PTPRR: variants seen among roughly 807,000 people sequenced by gnomAD.
PTPRR encodes the protein protein tyrosine phosphatase receptor type R.
In PTPRR, 38 loss-of-function variants were observed where a neutral mutation model predicts 77.2. That is an observed-to-expected ratio of 0.49 (90% CI 0.38 to 0.65). PTPRR has a LOEUF of 0.65. PTPRR is among the 30% of genes least tolerant of loss of function. The pLI is 0.00. For missense variants in PTPRR, 744 were observed against 799.2 expected, an observed-to-expected ratio of 0.93 and a Z score of 0.83; for synonymous variants, 299 against 283.1, an observed-to-expected ratio of 1.06 and a Z score of -0.57.
At chr12:70,850,230 C>G (rs1344309768) in intron 2 of PTPRR, among the ~76,000 whole-genome samples, 2 of 151,736 alleles carry the variant, frequency 1.3e-5, no homozygotes, top group African/African-American at 4.8e-5. Flanking sequence ...GGTGTGGTGG[C>G]GGGCGCCTAT....
intron 6 of PTPRR, among the ~76,000 whole-genome samples, chr12:70,723,249 A>T (rs1030019383): frequency 3.9e-5 from 6 of 152,352 alleles, no homozygotes; most frequent in African/African-American, 1.4e-4. Flanking sequence ...TAAACTACAG[A>T]TAAGAGACTT....
intron 2 of PTPRR, among the ~76,000 whole-genome samples, chr12:70,851,284 C>T (rs1892567728): frequency 6.6e-6 from 1 of 152,016 alleles, no homozygotes; most frequent in Admixed American, 6.6e-5. Context: ...CCCAGACACA[C>T]AGACAAAAAT....
intron 8 of PTPRR, 75 bp from the exon 9 acceptor site, chr12:70,684,858 G>A: frequency 9.8e-7 from 1 of 1,015,920 alleles, no homozygotes; most frequent in South Asian, 1.5e-5. Flanking sequence ...CCAATAACCA[G>A]TAAGTAGAAA....
At chr12:70,869,124 T>C (rs938183127) in intron 2 of PTPRR, among the ~76,000 whole-genome samples, 69 of 151,748 alleles carry the variant, frequency 4.5e-4, no homozygotes, top group African/African-American at 1.5e-3. Flanking sequence ...ACATGGCACA[T>C]GAATACATAT....
chr12:70,722,451 A>G (rs1405245092), intron 6 of PTPRR, among the ~76,000 whole-genome samples: 1 of 152,178 alleles, frequency 6.6e-6, no homozygotes, highest in Non-Finnish European at 1.5e-5. Context: ...TTCTGAAAAG[A>G]GTTCGCAAGG....
Position 70,761,571 on chromosome 12 carries a change from AT to A in PTPRR, c.526del (p.Ile176PhefsTer66). The A allele has an allele frequency of 6.2e-7, 1 of 1,612,244 alleles. No homozygotes were observed. The highest frequency in any genetic ancestry group is 8.5e-7 in the Non-Finnish European group (1 of 1,178,912). On this transcript the variant is annotated frameshift_variant, in exon 4 of 14. Coordinates refer to ENST00000283228, the MANE Select transcript of PTPRR (RefSeq NM_002849.4). LOFTEE classifies it high-confidence loss of function. ...FVSPINRKTG[I>X]SDALPSEEVL... ...TTCCTCAGAGGGCAGAGCATCAGAAATTCCTGTTTTTCGGTTTATGGGAGAC... is the reference window on the plus strand; with the variant it reads ...TTCCTCAGAGGGCAGAGCATCAGAAATCCTGTTTTTCGGTTTATGGGAGAC...
rs75513041 is a variant in PTPRR at position 70,649,473 on chromosome 12, C to T, written c.1880+7231G>A. 3.1e-3 allele frequency among the ~76,000 whole-genome samples: 470 copies of T among 152,282 alleles called. 2 individuals are homozygous for T. Among genetic ancestry groups the T allele is most frequent in the African/African-American group, 0.01 (422 of 41,548 alleles). On this transcript the variant is annotated intron_variant, in intron 13 of 13. Transcript: ENST00000283228. ...AGGATAGAGGAAGGCCTGTGAAGCT[C>T]GTATTCTGCCGAATACAAAATATCA... is the stretch of plus-strand genomic sequence containing the variant.
intron 6 of PTPRR, among the ~76,000 whole-genome samples, chr12:70,714,646 A>T (rs1418299128): frequency 6.6e-6 from 1 of 152,182 alleles, no homozygotes; most frequent in Non-Finnish European, 1.5e-5. Flanking sequence ...CTTCTACTGT[A>T]TATTTGTTTA....
At chr12:70,690,477 C>T (rs2136752792) in intron 8 of PTPRR, among the ~76,000 whole-genome samples, 1 of 152,274 alleles carries the variant, frequency 6.6e-6, no homozygotes, top group East Asian at 1.9e-4. Flanking sequence ...GTTTTAGCAA[C>T]ATAACAAAAG....
At chr12:70,789,014 A>C in intron 2 of PTPRR, 1 of 658,346 alleles carries the variant, frequency 1.5e-6, no homozygotes, top group Non-Finnish European at 2.3e-6. Context: ...GGTCTACTGC[A>C]GCAGCCTGTG....
At chr12:70,705,421 A>G (rs1888582531) in intron 6 of PTPRR, among the ~76,000 whole-genome samples, 2 of 152,082 alleles carry the variant, frequency 1.3e-5, no homozygotes, top group South Asian at 2.1e-4. Flanking sequence ...ATTCTCAGAC[A>G]TGCTACTTTT....
At chr12:70,742,991 G>A (rs1178575616) in intron 6 of PTPRR, among the ~76,000 whole-genome samples, 1 of 152,188 alleles carries the variant, frequency 6.6e-6, no homozygotes, top group African/African-American at 2.4e-5. Context: ...GTGACACAGA[G>A]TTCAGAGCTG....
intron 2 of PTPRR, among the ~76,000 whole-genome samples, chr12:70,886,774 TG>T (rs1168790743): frequency 6.6e-6 from 1 of 152,226 alleles, no homozygotes; most frequent in Admixed American, 6.5e-5. Context: ...GCTTTTGAAT[TG>T]TGTTTCTTTT....
At chr12:70,865,899 C>T (rs531024098) in intron 2 of PTPRR, among the ~76,000 whole-genome samples, 2 of 152,274 alleles carry the variant, frequency 1.3e-5, no homozygotes, top group South Asian at 4.1e-4. Flanking sequence ...AAACAAGACA[C>T]TGTTATACCA....
chr12:70,756,702 T>C (rs1259727608), intron 4 of PTPRR, among the ~76,000 whole-genome samples: 2 of 152,176 alleles, frequency 1.3e-5, no homozygotes, highest in Non-Finnish European at 2.9e-5. Flanking sequence ...GTTTTCTGTA[T>C]AGTTAACAAT....
At chr12:70,804,640 G>A (rs1222292715) in intron 2 of PTPRR, among the ~76,000 whole-genome samples, 1 of 152,186 alleles carries the variant, frequency 6.6e-6, no homozygotes, top group East Asian at 1.9e-4. Context: ...TATCCATATG[G>A]CTCAATACAA....
intron 13 of PTPRR, among the ~76,000 whole-genome samples, chr12:70,647,264 T>A (rs1886235657): frequency 1.3e-5 from 2 of 152,228 alleles, no homozygotes; most frequent in South Asian, 2.1e-4. Context: ...ATTCTTCCAG[T>A]GTCCAGTTGC....
chr12:70,853,066 T>C (rs1220118188), intron 2 of PTPRR, among the ~76,000 whole-genome samples: 1 of 152,134 alleles, frequency 6.6e-6, no homozygotes, highest in East Asian at 1.9e-4. Context: ...CTCACTACAA[T>C]CCTCTGAGGC....
intron 2 of PTPRR, among the ~76,000 whole-genome samples, chr12:70,871,675 A>G (rs1287084941): frequency 1.3e-5 from 2 of 152,236 alleles, no homozygotes; most frequent in African/African-American, 4.8e-5. Context: ...TACAATGTAT[A>G]CAGAGATATA....
Sources: gnomAD v4.1 joint callset for allele counts (sites outside exome capture counted in the v4.1 genomes callset) on GRCh38, gnomAD v4.1.1 for gene constraint, MANE v1.5 for transcripts, NCBI Gene and HGNC (gene_info 2026-07-23, HGNC 2026-07-21) for gene names.